The following BBX variants were observed in gnomAD, a reference collection of about 807,000 sequenced individuals.
The protein encoded by BBX is BBX high mobility group box domain containing, also known as HMG box transcription factor BBX.
In BBX, 30 loss-of-function variants were observed where a neutral mutation model predicts 100.2. The observed-to-expected ratio is 0.30, with a 90% confidence interval of 0.22 to 0.41. The LOEUF is 0.41. Ranked by LOEUF, BBX falls within the 10% of genes least tolerant of loss-of-function variation. BBX has a pLI of 1.00. For synonymous variants in BBX, 376 were observed against 388.1 expected, an observed-to-expected ratio of 0.97 and a Z score of 0.37; for missense variants, 1,023 against 1,129.8, an observed-to-expected ratio of 0.91 and a Z score of 1.35.
Position 107,535,593 on chromosome 3 carries a change from C to CT in BBX, c.-84+9212dup, listed in dbSNP as rs11298693. ...ATTCTATATCGTTTGTGCTCTGTTC[C>CT]TTTTTTTTTTTTTTTTTGAGGCAGA... On this transcript the variant is annotated intron_variant, in intron 2 of 17. Coordinates refer to ENST00000325805, the MANE Select transcript of BBX (RefSeq NM_001142568.3). Among the ~76,000 whole-genome samples the CT allele has an allele frequency of 3.1e-3, 413 of 132,832 alleles. 2 individuals are homozygous for CT. Among genetic ancestry groups the CT allele is most frequent in the East Asian group, 5.0e-3 (24 of 4,800 alleles). 87.1% of individuals were successfully genotyped at this position (132,832 alleles called of 152,430 possible).
intron 2 of BBX, among the ~76,000 whole-genome samples, chr3:107,606,571 A>G (rs1011860979): frequency 6.6e-6 from 1 of 152,062 alleles, no homozygotes; most frequent in African/African-American, 2.4e-5. Flanking sequence ...TCTGTTTCCT[A>G]TTTTGTAGAA....
intron 3 of BBX, among the ~76,000 whole-genome samples, chr3:107,664,189 C>T (rs1459266542): frequency 6.6e-6 from 1 of 152,050 alleles, no homozygotes; most frequent in African/African-American, 2.4e-5. Context: ...TGTATATGCC[C>T]TCTTTATGTA....
intron 2 of BBX, among the ~76,000 whole-genome samples, chr3:107,551,923 C>T (rs1229550674): frequency 6.6e-6 from 1 of 152,126 alleles, no homozygotes; most frequent in Non-Finnish European, 1.5e-5. Flanking sequence ...CTGAAGAAAG[C>T]CCTATGTTTA....
At chr3:107,789,976 C>T (rs1220792408) in intron 14 of BBX, 100 bp downstream of exon 14, 1 of 889,238 alleles carries the variant, frequency 1.1e-6, no homozygotes, top group African/African-American at 1.7e-5. Context: ...CTTGTCCTCC[C>T]CTCTGCTTGC....
intron 2 of BBX, among the ~76,000 whole-genome samples, chr3:107,536,896 A>T (rs1324581805): frequency 6.6e-6 from 1 of 152,216 alleles, no homozygotes; most frequent in African/African-American, 2.4e-5. Context: ...TAATTGTTTT[A>T]ATAGATATGG....
At chr3:107,604,039 C>T (rs994918507) in intron 2 of BBX, among the ~76,000 whole-genome samples, 1 of 152,084 alleles carries the variant, frequency 6.6e-6, no homozygotes, top group Non-Finnish European at 1.5e-5. Flanking sequence ...TTACCGTGGT[C>T]ATTCTCAAGT....
chr3:107,564,444 A>G (rs1326366335), intron 2 of BBX, among the ~76,000 whole-genome samples: 1 of 152,152 alleles, frequency 6.6e-6, no homozygotes, highest in Non-Finnish European at 1.5e-5. Flanking sequence ...TTTTTGAACT[A>G]TAAGAAACTC....
At chr3:107,690,421 A>G (rs923119770) in intron 3 of BBX, among the ~76,000 whole-genome samples, 3 of 152,206 alleles carry the variant, frequency 2.0e-5, no homozygotes, top group African/African-American at 7.2e-5. Context: ...GGAGATTCCA[A>G]TTAGAAATGG....
intron 2 of BBX, among the ~76,000 whole-genome samples, chr3:107,633,396 AAC>A (rs1459842019): frequency 1.3e-5 from 2 of 152,144 alleles, no homozygotes; most frequent in African/African-American, 4.8e-5. Context: ...TAGTTTCTTA[AAC>A]AGTTTGATAT....
At chr3:107,613,483 C>T (rs1362146106) in intron 2 of BBX, among the ~76,000 whole-genome samples, 2 of 151,400 alleles carry the variant, frequency 1.3e-5, no homozygotes, top group Non-Finnish European at 2.9e-5. Context: ...TATACACAAC[C>T]ATGATGAACC....
intron 3 of BBX, among the ~76,000 whole-genome samples, chr3:107,687,825 T>G (rs1157147349): frequency 6.6e-6 from 1 of 151,914 alleles, no homozygotes; most frequent in African/African-American, 2.4e-5. Context: ...GAGGCCAAGG[T>G]GGGAGGATCA....
At chr3:107,729,105 G>A (rs1387684363) in intron 6 of BBX, 145 bp downstream of exon 6, 5 of 804,550 alleles carry the variant, frequency 6.2e-6, no homozygotes, top group Non-Finnish European at 9.8e-6. Context: ...TCAAGCATTG[G>A]ATCATGATAT....
chr3:107,532,741 C>T (rs1227221659), intron 2 of BBX, among the ~76,000 whole-genome samples: 3 of 152,156 alleles, frequency 2.0e-5, no homozygotes, highest in East Asian at 1.9e-4. Context: ...GTAGTCTCAA[C>T]AATCATTAAA....
At chr3:107,612,298 A>G (rs1576493446) in intron 2 of BBX, among the ~76,000 whole-genome samples, 2 of 151,970 alleles carry the variant, frequency 1.3e-5, no homozygotes, top group African/African-American at 4.8e-5. Context: ...GTGGATGTTC[A>G]TTGGTGTTTG....
At chr3:107,774,302 G>A (rs1204047579) in intron 11 of BBX, among the ~76,000 whole-genome samples, 1 of 152,168 alleles carries the variant, frequency 6.6e-6, no homozygotes, top group Non-Finnish European at 1.5e-5. Context: ...CAAGACATGT[G>A]TGAGTCCTAG....
At chr3:107,733,533 C>T (rs576794559) in intron 7 of BBX, among the ~76,000 whole-genome samples, 56 of 152,226 alleles carry the variant, frequency 3.7e-4, no homozygotes, top group African/African-American at 1.2e-3. Context: ...CACTCTGTTG[C>T]CCAGGCTGGA....
intron 3 of BBX, among the ~76,000 whole-genome samples, chr3:107,687,578 G>A (rs927988070): frequency 1.5e-4 from 23 of 152,096 alleles, no homozygotes; most frequent in African/African-American, 5.6e-4. Flanking sequence ...ACTCTCCACA[G>A]TTTTTCAGCT....
chr3:107,595,665 G>C (rs1182718529), intron 2 of BBX, among the ~76,000 whole-genome samples: 1 of 152,178 alleles, frequency 6.6e-6, no homozygotes. Context: ...TGTCAGAGCA[G>C]ACTGAAGTTT....
At position 107,623,449 on chromosome 3, in the gene BBX, C is replaced by T. The variant is rs143889979; in HGVS notation, c.-83-22387C>T. On this transcript the variant is annotated intron_variant, in intron 2 of 17. Coordinates refer to ENST00000325805, the MANE Select transcript of BBX (RefSeq NM_001142568.3). Reference sequence around the variant, plus strand: ...TTTGTTGTTCTTCCTCTATTCCCTTCTACTTTTAGCTGCCACATGCATCTT... The same window carrying T: ...TTTGTTGTTCTTCCTCTATTCCCTTTTACTTTTAGCTGCCACATGCATCTT... 8.6e-3 allele frequency among the ~76,000 whole-genome samples: 1,310 copies of T among 152,268 alleles called. 25 individuals are homozygous for T. Among genetic ancestry groups the T allele is most frequent in the African/African-American group, 0.03 (1,248 of 41,550 alleles).
Sources: gnomAD v4.1 joint callset for allele counts (sites outside exome capture counted in the v4.1 genomes callset) on GRCh38, gnomAD v4.1.1 for gene constraint, MANE v1.5 for transcripts, NCBI Gene and HGNC (gene_info 2026-07-23, HGNC 2026-07-21) for gene names.